The following XYLT1 variants were observed in gnomAD, a reference collection of about 807,000 sequenced individuals.
XYLT1 encodes xylosyltransferase 1.
XYLT1 carries 36 observed loss-of-function variants against 91.3 expected under a neutral mutation model. That is an observed-to-expected ratio of 0.39 (90% CI 0.30 to 0.52). The LOEUF (loss-of-function observed/expected upper bound fraction) is 0.52, where lower values mean the gene tolerates loss of function less well. Among genes scored for constraint, XYLT1 ranks in the 20% least tolerant of loss-of-function variants. The probability of loss-of-function intolerance (pLI) is 0.68; values close to 1 mark genes in which losing one functional copy is unlikely to be tolerated. For synonymous variants in XYLT1, 588 were observed against 532.0 expected (o/e 1.11, Z -1.45); for missense variants, 1,242 against 1,284.5 (o/e 0.97, Z 0.51).
intron 3 of XYLT1, among the ~76,000 whole-genome samples, chr16:17,210,577 A>C (rs1260486067): frequency 7.3e-6 from 1 of 136,794 alleles, no homozygotes; most frequent in African/African-American, 2.5e-5. Flanking sequence ...ACTCCATCTT[A>C]AAAAAAAAAT....
chr16:17,179,998 G>C (rs2032031209), intron 5 of XYLT1, among the ~76,000 whole-genome samples: 3 of 152,210 alleles, frequency 2.0e-5, no homozygotes, highest in African/African-American at 7.2e-5. Context: ...CTCCACTTCT[G>C]GGTAGCTGAG....
intron 5 of XYLT1, among the ~76,000 whole-genome samples, chr16:17,167,392 T>C (rs1364650100): frequency 6.6e-6 from 1 of 152,228 alleles, no homozygotes; most frequent in Non-Finnish European, 1.5e-5. Context: ...GTCCAGTAAG[T>C]TTCCTCCTCC....
chr16:17,418,782 A>G (rs1272634416), intron 1 of XYLT1, among the ~76,000 whole-genome samples: 1 of 151,764 alleles, frequency 6.6e-6, no homozygotes, highest in Non-Finnish European at 1.5e-5. Flanking sequence ...CTGGACATTG[A>G]GGCTGCAGAG....
At chr16:17,270,102 C>A (rs990619033) in intron 2 of XYLT1, among the ~76,000 whole-genome samples, 1 of 152,150 alleles carries the variant, frequency 6.6e-6, no homozygotes. Context: ...CGTGGGCCAC[C>A]GCACTCTGCT....
At chr16:17,169,213 G>A (rs774983105) in intron 5 of XYLT1, among the ~76,000 whole-genome samples, 18 of 152,176 alleles carry the variant, frequency 1.2e-4, no homozygotes, top group South Asian at 4.1e-4. Context: ...ATTGAAGCAC[G>A]AGCATTCAGG....
intron 2 of XYLT1, among the ~76,000 whole-genome samples, chr16:17,332,493 C>T (rs1431375486): frequency 1.3e-5 from 2 of 151,572 alleles, no homozygotes; most frequent in African/African-American, 4.9e-5. Context: ...ACCCGGGAAG[C>T]GGAGGTTGCA....
chr16:17,262,597 G>T (rs911127585), intron 2 of XYLT1, among the ~76,000 whole-genome samples: 4 of 152,162 alleles, frequency 2.6e-5, no homozygotes, highest in Non-Finnish European at 5.9e-5. Context: ...GGATGTGTTA[G>T]GATTGTATGT....
intron 1 of XYLT1, among the ~76,000 whole-genome samples, chr16:17,379,427 C>A (rs1255639614): frequency 2.0e-5 from 3 of 152,246 alleles, no homozygotes; most frequent in African/African-American, 7.2e-5. Flanking sequence ...GCCAGCCCAG[C>A]CTGCCTGGGG....
chr16:17,299,740 T>G (rs1269582637), intron 2 of XYLT1, among the ~76,000 whole-genome samples: 3 of 152,102 alleles, frequency 2.0e-5, no homozygotes, highest in Non-Finnish European at 4.4e-5. Context: ...AGAACATAGC[T>G]CTTATATAAT....
rs76709540 is a variant in XYLT1 at position 17,143,506 on chromosome 16, C to T, written c.1371-2137G>A. ...ACCAGGACTCTGGATTTTTCAAGCCCTTATGAATAACTCTATTGTATGAAT... is the reference window on the plus strand; with the variant it reads ...ACCAGGACTCTGGATTTTTCAAGCCTTTATGAATAACTCTATTGTATGAAT... On this transcript the variant is annotated intron_variant, in intron 6 of 11. Coordinates refer to ENST00000261381, the MANE Select transcript of XYLT1 (RefSeq NM_022166.4). Among the ~76,000 whole-genome samples, 880 of 152,108 alleles carry T rather than the reference C, an allele frequency of 5.8e-3. 30 individuals carry two copies. The East Asian group carries it at 0.069, about 12-fold the overall frequency.
intron 1 of XYLT1, among the ~76,000 whole-genome samples, chr16:17,409,267 G>A (rs1489613786): frequency 6.6e-6 from 1 of 152,158 alleles, no homozygotes; most frequent in East Asian, 1.9e-4. Context: ...GAGGCCGGCA[G>A]TTTGAAGGCA....
rs75047627 is a variant in XYLT1, at chr16:17,266,104, C to T, written c.403-6606G>A. Among the ~76,000 whole-genome samples, 425 of 152,306 alleles carry T rather than the reference C, an allele frequency of 2.8e-3. 3 individuals are homozygous for T. The highest frequency in any genetic ancestry group is 9.8e-3 in the African/African-American group (408 of 41,548). On this transcript the variant is annotated intron_variant, in intron 2 of 11. Transcript: ENST00000261381. ...ACAAAATGGAAGCTTCAAAGCGCAT[C>T]CCGTCTGCAGCCCTATCCCTCTATT...
chr16:17,442,775 TC>T (rs1375263814), intron 1 of XYLT1, among the ~76,000 whole-genome samples: 5 of 152,328 alleles, frequency 3.3e-5, no homozygotes, highest in African/African-American at 1.2e-4. Flanking sequence ...GCATCCTCAT[TC>T]TTTTGGAGGA....
intron 1 of XYLT1, among the ~76,000 whole-genome samples, chr16:17,414,592 C>A (rs943225837): frequency 2.0e-5 from 3 of 152,220 alleles, no homozygotes; most frequent in Admixed American, 6.5e-5. Flanking sequence ...CTTCCTCCCA[C>A]ACTCCACTGG....
intron 2 of XYLT1, among the ~76,000 whole-genome samples, chr16:17,301,715 C>A (rs188691113): frequency 6.6e-6 from 1 of 152,158 alleles, no homozygotes; most frequent in Non-Finnish European, 1.5e-5. Context: ...GACTCCACCG[C>A]AACAACAGGT....
chr16:17,432,921 G>A, intron 1 of XYLT1, among the ~76,000 whole-genome samples: 2 of 152,148 alleles, frequency 1.3e-5, no homozygotes, highest in Admixed American at 6.6e-5. Context: ...GATTTTTACA[G>A]TGAACGATGA....
rs559245563 is a variant in XYLT1 at position 17,395,674 on chromosome 16, A to C, written c.364-37624T>G. ...AACACAGGTGCCCCTGTTAAACTGA[A>C]GCCAAACTTCTAAAGCAGATCAATT... On this transcript the variant is annotated intron_variant, in intron 1 of 11. Coordinates refer to ENST00000261381, the MANE Select transcript of XYLT1 (RefSeq NM_022166.4). Among the ~76,000 whole-genome samples, 58 of 152,356 alleles carry C rather than the reference A, an allele frequency of 3.8e-4. 1 individual carries two copies. Among genetic ancestry groups the C allele is most frequent in the African/African-American group, 1.3e-3 (56 of 41,584 alleles).
chr16:17,441,819 T>C (rs900472199), intron 1 of XYLT1, among the ~76,000 whole-genome samples: 158 of 152,246 alleles, frequency 1.0e-3, no homozygotes, highest in African/African-American at 3.6e-3. Flanking sequence ...CTCTCTACAA[T>C]AACCCTCCAC....
chr16:17,431,598 C>A (rs536315623), intron 1 of XYLT1, among the ~76,000 whole-genome samples: 1 of 152,190 alleles, frequency 6.6e-6, no homozygotes, highest in Non-Finnish European at 1.5e-5. Flanking sequence ...CATTGGTGAT[C>A]AAGGATGGAG....
Sources: gnomAD v4.1 joint callset for allele counts (sites outside exome capture counted in the v4.1 genomes callset) on GRCh38, gnomAD v4.1.1 for gene constraint, MANE v1.5 for transcripts, NCBI Gene and HGNC (gene_info 2026-07-23, HGNC 2026-07-21) for gene names.